The following TPST1 variants were observed in gnomAD, a reference collection of about 807,000 sequenced individuals.
TPST1 encodes protein-tyrosine sulfotransferase 1.
A neutral mutation model predicts 34.8 loss-of-function variants in TPST1; 20 were observed. That is an observed-to-expected ratio of 0.57 (90% CI 0.40 to 0.84). The LOEUF is 0.84. Among genes scored for constraint, TPST1 ranks in the 40% least tolerant of loss-of-function variants. TPST1 has a pLI of 0.00. For synonymous variants in TPST1, 152 were observed against 159.4 expected (o/e 0.95, Z 0.35); for missense variants, 353 against 455.5 (o/e 0.78, Z 2.05).
chr7:66,347,054 C>CTTTT (rs1179080237), intron 3 of TPST1, among the ~76,000 whole-genome samples: 20 of 54,820 alleles, frequency 3.6e-4, no homozygotes, highest in South Asian at 1.4e-3. Flanking sequence ...TTTTCCTTTG[C>CTTTT]TTTTCTTTTT....
chr7:66,242,372 C>T (rs994627462), intron 2 of TPST1, among the ~76,000 whole-genome samples: 1 of 151,942 alleles, frequency 6.6e-6, no homozygotes, highest in African/African-American at 2.4e-5. Flanking sequence ...CTTGTGTGCC[C>T]TTCTTACTTT....
intron 2 of TPST1, among the ~76,000 whole-genome samples, chr7:66,280,601 C>CT (rs1790913607): frequency 6.6e-6 from 1 of 152,044 alleles, no homozygotes; most frequent in South Asian, 2.1e-4. Flanking sequence ...TCCTGGATGC[C>CT]TTTATTTTTC....
At chr7:66,262,734 G>A (rs555492682) in intron 2 of TPST1, among the ~76,000 whole-genome samples, 41 of 152,272 alleles carry the variant, frequency 2.7e-4, no homozygotes, top group Middle Eastern at 3.4e-3. Flanking sequence ...GGGCATGATG[G>A]CAGGTGTGAT....
chr7:66,230,379 T>C (rs1266552778), intron 1 of TPST1, among the ~76,000 whole-genome samples: 1 of 152,252 alleles, frequency 6.6e-6, no homozygotes, highest in South Asian at 2.1e-4. Flanking sequence ...ACTTCAAGAA[T>C]GAAGCCGCGG....
intron 3 of TPST1, among the ~76,000 whole-genome samples, chr7:66,343,591 C>T (rs1792282652): frequency 6.6e-6 from 1 of 152,160 alleles, no homozygotes; most frequent in Admixed American, 6.5e-5. Flanking sequence ...GGAAATGTAA[C>T]CTATACAGCT....
intron 1 of TPST1, among the ~76,000 whole-genome samples, chr7:66,239,734 C>T (rs553423495): frequency 5.9e-5 from 9 of 152,248 alleles, no homozygotes; most frequent in Admixed American, 5.2e-4. Flanking sequence ...TATTTATTTT[C>T]CATTCTTTAC....
intron 1 of TPST1, among the ~76,000 whole-genome samples, chr7:66,207,955 T>C (rs772048297): frequency 5.9e-5 from 9 of 152,132 alleles, no homozygotes; most frequent in African/African-American, 2.2e-4. Flanking sequence ...TCTTTTTTTT[T>C]CCTCTCTTCA....
chr7:66,294,816 C>A (rs929105577), intron 3 of TPST1, among the ~76,000 whole-genome samples: 1 of 152,008 alleles, frequency 6.6e-6, no homozygotes, highest in Non-Finnish European at 1.5e-5. Context: ...GGTAAGATTA[C>A]GTATATCATC....
intron 2 of TPST1, among the ~76,000 whole-genome samples, chr7:66,242,953 C>CA (rs1790066830): frequency 6.6e-6 from 1 of 151,910 alleles, no homozygotes; most frequent in Non-Finnish European, 1.5e-5. Flanking sequence ...TATGTTTTTT[C>CA]AAAAATTAAC....
intron 1 of TPST1, among the ~76,000 whole-genome samples, chr7:66,236,336 C>A (rs189660366): frequency 6.6e-6 from 1 of 152,216 alleles, no homozygotes; most frequent in Non-Finnish European, 1.5e-5. Context: ...ACTTAAATCC[C>A]TGCTTTTTCA....
At chr7:66,274,358 C>G (rs1235990299) in intron 2 of TPST1, among the ~76,000 whole-genome samples, 1 of 150,120 alleles carries the variant, frequency 6.7e-6, no homozygotes, top group Non-Finnish European at 1.5e-5. Context: ...CAGAGTGAGA[C>G]TCCGTCTGAA....
In TPST1 at chr7:66,312,847, T is replaced by C. The variant is rs73146626; in HGVS notation, c.1044+26138T>C. 2.3e-3 allele frequency among the ~76,000 whole-genome samples: 354 copies of C among 150,956 alleles called. 1 individual carries two copies. The highest frequency in any genetic ancestry group is 3.5e-3 in the Non-Finnish European group (240 of 67,764). ...AAATGATACCTATGAAAGAAAAAAATAGAGATTTAACTGGTGACTAATAGA... is the reference window on the plus strand; with the variant it reads ...AAATGATACCTATGAAAGAAAAAAACAGAGATTTAACTGGTGACTAATAGA... On this transcript the variant is annotated intron_variant, in intron 3 of 5. Coordinates refer to ENST00000304842, the MANE Select transcript of TPST1 (RefSeq NM_003596.4).
intron 2 of TPST1, among the ~76,000 whole-genome samples, chr7:66,263,125 TAAAA>T (rs569475161): frequency 8.0e-5 from 12 of 150,876 alleles, no homozygotes; most frequent in African/African-American, 1.7e-4. Context: ...AATAAAAAAA[TAAAA>T]AAATAAAATA....
At chr7:66,276,365 C>CATATATATATACATATATATATAT (rs1554347639) in intron 2 of TPST1, among the ~76,000 whole-genome samples, 1 of 90,870 alleles carries the variant, frequency 1.1e-5, no homozygotes, top group African/African-American at 6.0e-5. Flanking sequence ...AAAAACATTT[C>CATATATATATACATATATATATAT]ATATATATAT....
rs576494495 is a variant in TPST1 at position 66,224,391 on chromosome 7, C to T, written c.-101-15934C>T. ...TGGTATTGGCTGTTGCTGTTTGCCA[C>T]GTTGGTTGGCATCATGAATGGGTAT... On this transcript the variant is annotated intron_variant, in intron 1 of 5. Transcript: ENST00000304842. Among the ~76,000 whole-genome samples, 7 of 152,294 alleles carry T rather than the reference C, an allele frequency of 4.6e-5. No homozygotes were observed. The East Asian group carries it at 1.2e-3, about 25-fold the overall frequency.
chr7:66,356,538 C>G (rs1321501291), intron 4 of TPST1, among the ~76,000 whole-genome samples: 1 of 152,224 alleles, frequency 6.6e-6, no homozygotes, highest in Non-Finnish European at 1.5e-5. Flanking sequence ...TTGTGGTGAG[C>G]AGCCCCATCC....
chr7:66,206,724 T>C (rs1261238974), intron 1 of TPST1, among the ~76,000 whole-genome samples: 1 of 152,162 alleles, frequency 6.6e-6, no homozygotes, highest in East Asian at 1.9e-4. Context: ...ACCTCCCAGC[T>C]AAAGTGGCAT....
chr7:66,360,131 T>C lies in TPST1; in HGVS notation c.*266T>C, dbSNP rs1792661822. ...TGCAGTAAGGAGCCCAGAAGGAACA[T>C]GTGTTTCCTGTTAAAACTCCTCTTG... On this transcript the variant is annotated 3_prime_UTR_variant, in exon 6 of 6. Transcript: ENST00000304842. The C allele has an allele frequency of 6.0e-6, 2 of 334,274 alleles. No homozygotes were observed. The highest frequency in any genetic ancestry group is 4.8e-5 in the South Asian group (2 of 41,888). 20.7% of individuals were successfully genotyped at this position (334,274 alleles called of 1,614,324 possible).
chr7:66,203,256 G>A (rs896849577), upstream of TPST1, among the ~76,000 whole-genome samples: 1 of 150,692 alleles, frequency 6.6e-6, no homozygotes, highest in Non-Finnish European at 1.5e-5. Flanking sequence ...TTTTTTGGGT[G>A]AGAGGCAAGG....
Sources: allele counts gnomAD v4.1 joint callset (sites outside exome capture counted in the v4.1 genomes callset), GRCh38; gene constraint gnomAD v4.1.1; transcripts MANE v1.5; gene names NCBI Gene and HGNC (gene_info 2026-07-23, HGNC 2026-07-21).